ZNF594: variants seen among roughly 807,000 people sequenced by gnomAD.
ZNF594 encodes zinc finger protein 594.
For missense variants in ZNF594, 1,037 were observed against 964.6 expected (o/e 1.08, Z -0.99); for synonymous variants, 336 against 309.4 (o/e 1.09, Z -0.90).
downstream of ZNF594, among the ~76,000 whole-genome samples, chr17:5,176,587 C>T (rs1403119946): frequency 3.4e-5 from 5 of 149,198 alleles, no homozygotes; most frequent in African/African-American, 1.2e-4. Flanking sequence ...CTCTGTTGCA[C>T]AAGGATGGAG....
At position 5,181,765 on chromosome 17, in the gene ZNF594, G is replaced by A. The variant is rs1381072992; in HGVS notation, c.*68C>T. The A allele has an allele frequency of 1.2e-6, 2 of 1,605,098 alleles. No homozygotes were observed. Among genetic ancestry groups the A allele is most frequent in the Admixed American group, 3.3e-5 (2 of 59,984 alleles). On this transcript the variant is annotated 3_prime_UTR_variant, in exon 2 of 2. Coordinates refer to ENST00000575779, the MANE Select transcript of ZNF594 (RefSeq NM_032530.2). ...GTATGAACACGATGGTGTTTAATAA[G>A]ATCTGAGCTGCTCCTAAAAGATTCC...
At chr17:5,176,528 A>G (rs1291587262), downstream of ZNF594, among the ~76,000 whole-genome samples, 1 of 151,462 alleles carries the variant, frequency 6.6e-6, no homozygotes, top group African/African-American at 2.4e-5. Flanking sequence ...TTTAAGTGCC[A>G]GTCTGTTTTT....
In ZNF594 at chr17:5,181,970, A is replaced by C. The variant is rs1271148289; in HGVS notation, c.2287T>G (p.Cys763Gly). The C allele has an allele frequency of 7.4e-6, 12 of 1,613,526 alleles. No individual in the cohort carries two copies. The highest frequency in any genetic ancestry group is 1.3e-5 in the African/African-American group (1 of 74,516). ...TGGAAGGTCCTACTACACTGATTACACCAATAAACTTTCTTTTCCTGGTGA... is the reference window on the plus strand; with the variant it reads ...TGGAAGGTCCTACTACACTGATTACCCCAATAAACTTTCTTTTCCTGGTGA... ...RTHQEKKVYW[C>G]NQCSRTFQGS... is the part of the protein sequence containing the mutation. Residue 763 changes from cysteine (C) to glycine (G), a missense_variant, in exon 2 of 2, where the codon TGT becomes GGT. By Grantham distance (159) the Cys-to-Gly change is radical. Transcript: ENST00000575779.
Position 5,182,740 on chromosome 17 carries a change from T to G in ZNF594, c.1517A>C (p.His506Pro). The change falls in exon 2 of 2, where the codon CAT becomes CCT. Residue 506 changes from histidine to proline, a missense_variant. His to Pro is a moderately conservative substitution (Grantham distance 77). Transcript: ENST00000575779. The stretch of plus-strand genomic sequence containing the variant: ...TTTCTCACCACTATGAATTCTCCGA[T>G]GTTGAATAAGGAGTGAACGCCGCCT... ...AFRRRSLLIQ[H>P]RRIHSGEKPY... The G allele has an allele frequency of 6.2e-7, 1 of 1,613,976 alleles. No individual in the cohort carries two copies.
At chr17:5,178,411 A>G (rs1480595808), downstream of ZNF594, among the ~76,000 whole-genome samples, 3 of 152,208 alleles carry the variant, frequency 2.0e-5, no homozygotes, top group Non-Finnish European at 4.4e-5. Context: ...TATGTAAAAG[A>G]AGGCAGCTTC....
chr17:5,188,982 C>T (rs554958221), intron 1 of ZNF594, among the ~76,000 whole-genome samples: 2 of 151,740 alleles, frequency 1.3e-5, no homozygotes, highest in South Asian at 2.1e-4. Context: ...CTCCTGACCT[C>T]GTGATCTGCC....
In ZNF594 at chr17:5,184,211, ACTT is replaced by A. The variant is rs1157285650; in HGVS notation, c.43_45del (p.Lys15del). ...AGTTTTTCGGATGCAGCCCTTGCTG[ACTT>A]CTTTTCTTCAGAAATTTCCATCTTT... is the stretch of plus-strand genomic sequence containing the variant. On this transcript the variant is annotated inframe_deletion, in exon 2 of 2. Coordinates refer to ENST00000575779, the MANE Select transcript of ZNF594 (RefSeq NM_032530.2). 2.5e-6 allele frequency: 4 copies of A among 1,613,106 alleles called. No homozygotes were observed. The highest frequency in any genetic ancestry group is 3.3e-5 in the Admixed American group (2 of 59,762).
chr17:5,191,683 C>G (rs978704099), intron 1 of ZNF594, 65 bp downstream of exon 1: 1 of 152,306 alleles, frequency 6.6e-6, no homozygotes, highest in Non-Finnish European at 1.5e-5. Context: ...CTCTGCTCCA[C>G]TCCTCGCTTG....
rs1279578834 is a variant in ZNF594, at chr17:5,181,137, G to T, written c.*696C>A. The T allele has an allele frequency of 2.5e-6, 4 of 1,597,650 alleles. No homozygotes were observed. Among genetic ancestry groups the T allele is most frequent in the Non-Finnish European group, 2.6e-6 (3 of 1,168,126 alleles). The stretch of plus-strand genomic sequence containing the variant: ...CTGACTGAAGGCCTTCCAACATTCA[G>T]GGCATTCATAGGGTTTCTCTCCAGT... On this transcript the variant is annotated 3_prime_UTR_variant, in exon 2 of 2. Coordinates refer to ENST00000575779, the MANE Select transcript of ZNF594 (RefSeq NM_032530.2).
In ZNF594 at chr17:5,183,683, A is replaced by C; in HGVS notation, c.574T>G (p.Phe192Val). The C allele has an allele frequency of 7.4e-6, 12 of 1,614,204 alleles. No individual in the cohort carries two copies. Among genetic ancestry groups the C allele is most frequent in the Non-Finnish European group, 1.0e-5 (12 of 1,180,038 alleles). The stretch of plus-strand genomic sequence containing the variant: ...CTCACCAGATTGGAGCTCTGATTGA[A>C]GTCTTTTCCACATTCATGACATATA... ...PYICHECGKD[F>V]NQSSNLVRHK... The change falls in exon 2 of 2, where the codon TTC (phenylalanine) becomes GTC (valine). Residue 192 changes from phenylalanine (F) to valine (V), a missense_variant. Transcript: ENST00000575779.
At chr17:5,186,659 C>G (rs1351112402) in intron 1 of ZNF594, among the ~76,000 whole-genome samples, 1 of 152,200 alleles carries the variant, frequency 6.6e-6, no homozygotes, top group East Asian at 1.9e-4. Context: ...AACTTTTATG[C>G]TCTGCTTCCC....
chr17:5,179,738 G>A lies in ZNF594; in HGVS notation c.*2095C>T, dbSNP rs747262533. The A allele has an allele frequency of 6.6e-6, 1 of 151,954 alleles. No individual in the cohort carries two copies. The highest frequency in any genetic ancestry group is 6.6e-5 in the Admixed American group (1 of 15,248). 9.4% of individuals were successfully genotyped at this position (151,954 alleles called of 1,614,324 possible). A position where few individuals can be genotyped will look rare whatever the true frequency, so the allele number is the denominator to read the frequency against. On this transcript the variant is annotated 3_prime_UTR_variant, in exon 2 of 2. Coordinates refer to ENST00000575779, the MANE Select transcript of ZNF594 (RefSeq NM_032530.2). Reference sequence around the variant, plus strand: ...TAGACGATATGTTTGCCCACAAAAGGAATAAAAAGACTAATGAAAATGGTA... The same window carrying A: ...TAGACGATATGTTTGCCCACAAAAGAAATAAAAAGACTAATGAAAATGGTA...
At chr17:5,186,546 T>C (rs1353632728) in intron 1 of ZNF594, among the ~76,000 whole-genome samples, 1 of 152,260 alleles carries the variant, frequency 6.6e-6, no homozygotes, top group Non-Finnish European at 1.5e-5. Flanking sequence ...CGGATTAACA[T>C]TCAGCTTCTT....
At chr17:5,187,021 G>C (rs1472491005) in intron 1 of ZNF594, among the ~76,000 whole-genome samples, 3 of 152,150 alleles carry the variant, frequency 2.0e-5, no homozygotes, top group Non-Finnish European at 4.4e-5. Context: ...TCCGACCTTT[G>C]CCTGTTCTCC....
Position 5,182,177 on chromosome 17 carries a change from G to A in ZNF594, c.2080C>T (p.Leu694Phe). ...TGAAGTCTCCGATGTTGAATAAGGA[G>A]GGAACGCCGCCTGAAGGCATTCCCA... ...ECGNAFRRRS[L>F]LIQHRRLHSG... is the part of the protein sequence containing the mutation. Residue 694 changes from leucine to phenylalanine, a missense_variant, in exon 2 of 2, where the codon CTC becomes TTC. By Grantham distance (22) the Leu-to-Phe change is conservative (BLOSUM62 0). Coordinates refer to ENST00000575779, the MANE Select transcript of ZNF594 (RefSeq NM_032530.2). 3 of 1,613,542 alleles carry A rather than the reference G, an allele frequency of 1.9e-6. No individual in the cohort carries two copies. Among genetic ancestry groups the A allele is most frequent in the Non-Finnish European group, 2.5e-6 (3 of 1,179,984 alleles).
chr17:5,176,845 G>A, downstream of ZNF594, among the ~76,000 whole-genome samples: 1 of 151,646 alleles, frequency 6.6e-6, no homozygotes, highest in Non-Finnish European at 1.5e-5. Flanking sequence ...AAGTAATAAA[G>A]AGCAGACATC....
downstream of ZNF594, among the ~76,000 whole-genome samples, chr17:5,178,036 T>C (rs2074317027): frequency 6.6e-6 from 1 of 151,040 alleles, no homozygotes; most frequent in Non-Finnish European, 1.5e-5. Flanking sequence ...TCTCAGACTC[T>C]TCCAAAGAGA....
chr17:5,181,416 T>C lies in ZNF594; in HGVS notation c.*417A>G. The stretch of plus-strand genomic sequence containing the variant: ...ACACCAATAAGCTTTCTCTTCTTGG[T>C]GAATTTTCTGCTCTCCCCTAAGCTC... On this transcript the variant is annotated 3_prime_UTR_variant, in exon 2 of 2. Transcript: ENST00000575779. The C allele has an allele frequency of 6.2e-7, 1 of 1,613,484 alleles. No homozygotes were observed. The highest frequency in any genetic ancestry group is 8.5e-7 in the Non-Finnish European group (1 of 1,179,492).
At position 5,184,183 on chromosome 17, in the gene ZNF594, T is replaced by C. The variant is rs74803378; in HGVS notation, c.74A>G (p.Gln25Arg). Reference sequence around the variant, plus strand: ...CTCACATTCCTGGGTGATTTGTCTTTGGAGTTTTTCGGATGCAGCCCTTGC... The same window carrying C: ...CTCACATTCCTGGGTGATTTGTCTTCGGAGTTTTTCGGATGCAGCCCTTGC... ...KSARAASEKL[Q>R]RQITQECELV... is the part of the protein sequence containing the mutation. Residue 25 changes from glutamine (Q) to arginine (R), a missense_variant, in exon 2 of 2, where the codon CAA becomes CGA. Physicochemically the swap from Gln to Arg is conservative, Grantham distance 43. Coordinates refer to ENST00000575779, the MANE Select transcript of ZNF594 (RefSeq NM_032530.2). The C allele has an allele frequency of 1.6e-3, 2,563 of 1,614,186 alleles. 36 individuals are homozygous for C. The African/African-American group carries it at 0.03, about 19-fold the overall frequency.
Sources: allele counts gnomAD v4.1 joint callset (sites outside exome capture counted in the v4.1 genomes callset), GRCh38; gene constraint gnomAD v4.1.1; transcripts MANE v1.5; gene names NCBI Gene and HGNC (gene_info 2026-07-23, HGNC 2026-07-21).